The following EML4 variants were observed in gnomAD, a reference collection of about 807,000 sequenced individuals.
EML4 encodes echinoderm microtubule-associated protein-like 4.
A neutral mutation model predicts 129.0 loss-of-function variants in EML4; 72 were observed. The ratio of observed to expected loss-of-function variants is 0.56; its 90% CI spans 0.46 to 0.68. The LOEUF is 0.68. Ranked by LOEUF, EML4 falls within the 30% of genes least tolerant of loss-of-function variation. The probability of loss-of-function intolerance (pLI) is 0.00; values close to 1 mark genes in which losing one functional copy is unlikely to be tolerated. For synonymous variants in EML4, 532 were observed against 405.0 expected (o/e 1.31, Z -3.77); for missense variants, 1,363 against 1,190.6 (o/e 1.14, Z -2.13).
intron 7 of EML4, among the ~76,000 whole-genome samples, chr2:42,281,324 C>T (rs549511678): frequency 4.7e-5 from 7 of 148,664 alleles, no homozygotes; most frequent in East Asian, 2.0e-4. Flanking sequence ...ACCCGGGAGG[C>T]GGAGGTTGCA....
At chr2:42,257,863 G>A (rs138535920) in intron 3 of EML4, among the ~76,000 whole-genome samples, 123 of 151,728 alleles carry the variant, frequency 8.1e-4, no homozygotes, top group African/African-American at 2.7e-3. Context: ...AATTCCTTCT[G>A]GAACTCAATC....
At chr2:42,207,981 G>A (rs1430462632) in intron 1 of EML4, 1 of 152,196 alleles carries the variant, frequency 6.6e-6, no homozygotes, top group Non-Finnish European at 1.5e-5. Flanking sequence ...ATATGAGTAT[G>A]CTACAGTATT....
chr2:42,307,934 C>T (rs565021741), intron 17 of EML4, among the ~76,000 whole-genome samples: 2 of 152,154 alleles, frequency 1.3e-5, no homozygotes, highest in African/African-American at 4.8e-5. Flanking sequence ...GGATTACAGG[C>T]GTGAGCCACC....
intron 1 of EML4, among the ~76,000 whole-genome samples, chr2:42,179,790 T>C (rs748924271): frequency 6.6e-6 from 1 of 152,032 alleles, no homozygotes; most frequent in Non-Finnish European, 1.5e-5. Context: ...TTAGTAGAGA[T>C]GGAGTTTCAC....
chr2:42,306,469 A>T (rs1668597578), intron 17 of EML4, among the ~76,000 whole-genome samples: 1 of 130,798 alleles, frequency 7.6e-6, no homozygotes. Context: ...GTGTCTGATG[A>T]CCTTGTGCTA....
intron 3 of EML4, among the ~76,000 whole-genome samples, chr2:42,259,722 C>CTTTTTTTTTTT (rs780243101): frequency 4.7e-4 from 46 of 98,348 alleles, no homozygotes; most frequent in African/African-American, 1.8e-3. Flanking sequence ...TTCTTTCTTT[C>CTTTTTTTTTTT]TTTTTTTTTT....
chr2:42,263,891 A>G (rs761663857), intron 5 of EML4, among the ~76,000 whole-genome samples: 4 of 151,376 alleles, frequency 2.6e-5, no homozygotes, highest in Non-Finnish European at 5.9e-5. Context: ...CACCACGCCC[A>G]GCTAATTTTT....
Position 42,224,096 on chromosome 2 carries a change from A to T in EML4, c.26-21409A>T, listed in dbSNP as rs189380923. 2.4e-3 allele frequency among the ~76,000 whole-genome samples: 361 copies of T among 152,244 alleles called. 4 individuals are homozygous for T. Among genetic ancestry groups the T allele is most frequent in the Non-Finnish European group, 4.4e-3 (298 of 67,980 alleles). ...CACATGCCATATGAATCACCCATTT[A>T]AAACATGTACTTCAGTGGTTTTTAA... On this transcript the variant is annotated intron_variant, in intron 1 of 22. Transcript: ENST00000318522.
intron 1 of EML4, among the ~76,000 whole-genome samples, chr2:42,170,859 A>G (rs914253733): frequency 2.6e-5 from 4 of 152,270 alleles, no homozygotes; most frequent in Non-Finnish European, 5.9e-5. Context: ...CTATATCCAG[A>G]TAATATCGAG....
intron 6 of EML4, among the ~76,000 whole-genome samples, chr2:42,268,111 A>T (rs75961647): frequency 6.6e-6 from 1 of 152,228 alleles, no homozygotes; most frequent in Non-Finnish European, 1.5e-5. Context: ...AATAGTTATC[A>T]AGTACAACTG....
intron 6 of EML4, among the ~76,000 whole-genome samples, chr2:42,277,149 T>G (rs1666701845): frequency 6.6e-6 from 1 of 152,216 alleles, no homozygotes; most frequent in African/African-American, 2.4e-5. Flanking sequence ...AATGTCTTTT[T>G]TATTCAGAAA....
In EML4 at chr2:42,264,103, GTTTTTTTTTT is replaced by G. The variant is rs9309080; in HGVS notation, c.642-586_642-577del. On this transcript the variant is annotated intron_variant, in intron 5 of 22. Transcript: ENST00000318522. ...AAGGCTCCCAACTCAAACAATACGT[GTTTTTTTTTT>G]TTTTTTTTTTTTTTTTGAGACAGTG... Among the ~76,000 whole-genome samples, 16 of 100,778 alleles carry G rather than the reference GTTTTTTTTTT, an allele frequency of 1.6e-4. 2 individuals are homozygous for G. In the South Asian group the frequency reaches 4.7e-3, roughly 30 times the overall value. 66.1% of individuals were successfully genotyped at this position (100,778 alleles called of 152,430 possible). A position where few individuals can be genotyped will look rare whatever the true frequency, so the allele number is the denominator to read the frequency against.
chr2:42,194,635 C>G (rs1671795037), intron 1 of EML4, among the ~76,000 whole-genome samples: 1 of 151,952 alleles, frequency 6.6e-6, no homozygotes, highest in African/African-American at 2.4e-5. Context: ...CTCAGCCTCC[C>G]AAGTAGCTGG....
chr2:42,272,410 T>C (rs895456079), intron 6 of EML4, among the ~76,000 whole-genome samples: 1 of 152,210 alleles, frequency 6.6e-6, no homozygotes, highest in African/African-American at 2.4e-5. Flanking sequence ...TCAAATAATA[T>C]AGTGAGCACC....
At chr2:42,326,317 C>A in intron 21 of EML4, 65 bp downstream of exon 21, 1 of 1,079,784 alleles carries the variant, frequency 9.3e-7, no homozygotes, top group Non-Finnish European at 1.4e-6. Context: ...TATTTACTTG[C>A]TTAAATTTAT....
rs375151683 is a variant in EML4, at chr2:42,196,027, A to T, written c.25+26391A>T. On this transcript the variant is annotated intron_variant, in intron 1 of 22. Coordinates refer to ENST00000318522, the MANE Select transcript of EML4 (RefSeq NM_019063.5). ...TATACTATACATTGACCAGACTTAGATATAGTATTTTATTCTCATCAAATT... is the reference window on the plus strand; with the variant it reads ...TATACTATACATTGACCAGACTTAGTTATAGTATTTTATTCTCATCAAATT... Among the ~76,000 whole-genome samples the T allele has an allele frequency of 2.0e-4, 30 of 152,212 alleles. No homozygotes were observed. In the East Asian group the frequency reaches 4.8e-3, roughly 24 times the overall value.
At chr2:42,208,373 T>C (rs1248113301) in intron 1 of EML4, among the ~76,000 whole-genome samples, 1 of 151,466 alleles carries the variant, frequency 6.6e-6, no homozygotes, top group East Asian at 1.9e-4. Flanking sequence ...ATTTTTATTT[T>C]ATGTTAAATG....
At chr2:42,226,504 A>C (rs1673966477) in intron 1 of EML4, among the ~76,000 whole-genome samples, 1 of 151,494 alleles carries the variant, frequency 6.6e-6, no homozygotes, top group South Asian at 2.1e-4. Context: ...CTAAAAATAC[A>C]AAATTAGTTG....
chr2:42,210,416 C>T lies in EML4; in HGVS notation c.26-35089C>T, dbSNP rs150800147. Among the ~76,000 whole-genome samples the T allele has an allele frequency of 3.8e-3, 574 of 152,298 alleles. 2 individuals carry two copies. Among genetic ancestry groups the T allele is most frequent in the Non-Finnish European group, 6.0e-3 (410 of 68,024 alleles). ...CATCAAAAGAAGTATATGTGAGCAA[C>T]ATGACATCATTGATGTTGTTGAACT... On this transcript the variant is annotated intron_variant, in intron 1 of 22. Coordinates refer to ENST00000318522, the MANE Select transcript of EML4 (RefSeq NM_019063.5).
Sources: allele counts gnomAD v4.1 joint callset (sites outside exome capture counted in the v4.1 genomes callset), GRCh38; gene constraint gnomAD v4.1.1; transcripts MANE v1.5; gene names NCBI Gene and HGNC (gene_info 2026-07-23, HGNC 2026-07-21).